Variants in EP400 observed in about 807,000 individuals in gnomAD.
The protein encoded by EP400 is E1A binding protein p400.
Under a neutral mutation model 354.1 loss-of-function variants are expected in EP400, and 105 were observed. That is an observed-to-expected ratio of 0.30 (90% CI 0.25 to 0.35). The LOEUF (loss-of-function observed/expected upper bound fraction) is 0.35, where lower values mean the gene tolerates loss of function less well. Ranked by LOEUF, EP400 falls within the 10% of genes least tolerant of loss-of-function variation. The pLI, the probability that EP400 is intolerant of heterozygous loss-of-function variation, is 1.00. For synonymous variants in EP400, 1,646 were observed against 1,716.9 expected (o/e 0.96, Z 1.02); for missense variants, 3,280 against 4,121.0 (o/e 0.80, Z 5.59).
At position 132,077,593 on chromosome 12, in the gene EP400, A is replaced by T. The variant is rs774498140; in HGVS notation, c.9292A>T (p.Ser3098Cys). 49 of 1,614,014 alleles carry T rather than the reference A, an allele frequency of 3.0e-5. No homozygotes were observed. The East Asian group carries it at 9.1e-4, about 30-fold the overall frequency. ...AGCCCAGGTGCCCGCCAGCTCCGAC[A>T]GCCCAAGCCAGCAGCCCAAGTTACA... ...NPAQVPASSD[S>C]PSQQPKLQMR... is the part of the protein sequence containing the mutation. Residue 3098 changes from serine (S) to cysteine (C), a missense_variant, in exon 53 of 53, where the codon AGC becomes TGC. Physicochemically the swap from Ser to Cys is moderately radical, Grantham distance 112 (BLOSUM62 -1). Coordinates refer to ENST00000389561, the MANE Select transcript of EP400 (RefSeq NM_015409.5).
At chr12:131,989,405 A>G (rs1289800126) in intron 7 of EP400, among the ~76,000 whole-genome samples, 1 of 152,138 alleles carries the variant, frequency 6.6e-6, no homozygotes, top group African/African-American at 2.4e-5. Flanking sequence ...AGTTGAGTGC[A>G]TTTCCATCCC....
intron 52 of EP400, among the ~76,000 whole-genome samples, chr12:132,077,007 C>T (rs1896257957): frequency 6.6e-6 from 1 of 152,258 alleles, no homozygotes; most frequent in African/African-American, 2.4e-5. Context: ...GTCACTGATG[C>T]TCCACAATAT....
intron 15 of EP400, among the ~76,000 whole-genome samples, chr12:132,010,697 G>A (rs534510069): frequency 9.2e-5 from 14 of 152,284 alleles, no homozygotes; most frequent in Non-Finnish European, 1.8e-4. Flanking sequence ...ATCCCAGCAC[G>A]TTGGGAGGCC....
chr12:132,002,676 G>C (rs1893456501), intron 12 of EP400, among the ~76,000 whole-genome samples: 1 of 152,250 alleles, frequency 6.6e-6, no homozygotes, highest in Admixed American at 6.5e-5. Context: ...CCATGAGGGA[G>C]CAGGATAGAC....
In EP400 at chr12:132,037,709, G is replaced by T. The variant is rs1894763908; in HGVS notation, c.5979G>T (p.Glu1993Asp). ...TTGTGAGTGGCAATTCCATTGAAGA[G>T]AAATTGTTGAAAAATGGAACTAAAG... ...YRLVSGNSIEEKLLKNGTKDL... is the reference protein window; with the variant it reads ...YRLVSGNSIEDKLLKNGTKDL... Residue 1993 changes from glutamate to aspartate, a missense_variant, in exon 31 of 53, where the codon GAG becomes GAT. This residue lies in a region of EP400 where 60 missense variants were observed against 109.9 expected (regional missense o/e 0.55). Transcript: ENST00000389561. The T allele has an allele frequency of 1.9e-6, 3 of 1,614,222 alleles. No individual in the cohort carries two copies. The highest frequency in any genetic ancestry group is 1.3e-5 in the African/African-American group (1 of 75,046).
chr12:131,986,414 A>G, intron 5 of EP400, 100 bp from the exon 6 acceptor site: 3 of 1,172,334 alleles, frequency 2.6e-6, no homozygotes, highest in South Asian at 2.9e-5. Flanking sequence ...AGGTGCTGGC[A>G]GTGCGCGTCT....
chr12:132,062,774 C>T lies in EP400; in HGVS notation c.8334+73C>T, dbSNP rs918092057. 4 of 1,575,090 alleles carry T rather than the reference C, an allele frequency of 2.5e-6. No homozygotes were observed. The Admixed American group carries it at 6.8e-5, about 27-fold the overall frequency. On this transcript the variant is annotated intron_variant, in intron 47 of 52. Coordinates refer to ENST00000389561, the MANE Select transcript of EP400 (RefSeq NM_015409.5). ...CAGCCCAGCGTCTGTGAGACGGTGC[C>T]TGCTTGCATGGTGCAGTCCAGAGTG...
At chr12:132,055,287 T>C in intron 45 of EP400, 79 bp downstream of exon 45, 2 of 1,201,618 alleles carry the variant, frequency 1.7e-6, no homozygotes, top group Non-Finnish European at 2.3e-6. Flanking sequence ...ATTCTTCTTC[T>C]TCTTTTTAAG....
intron 5 of EP400, 131 bp from the exon 6 acceptor site, chr12:131,986,383 C>A: frequency 1.2e-6 from 1 of 819,920 alleles, no homozygotes; most frequent in Non-Finnish European, 1.9e-6. Context: ...TGTGATTTGT[C>A]TGCTTGCATC....
intron 2 of EP400, among the ~76,000 whole-genome samples, chr12:131,966,673 G>A (rs1271893967): frequency 2.0e-5 from 3 of 151,414 alleles, no homozygotes; most frequent in Non-Finnish European, 4.4e-5. Flanking sequence ...GGAGGCTGAG[G>A]CAGGCAGATC....
chr12:132,014,085 G>A (rs1169839022), intron 19 of EP400, among the ~76,000 whole-genome samples, 172 bp downstream of exon 19: 2 of 152,246 alleles, frequency 1.3e-5, no homozygotes, highest in Non-Finnish European at 2.9e-5. Context: ...GGTGTTTCCA[G>A]CTGTTTCAGG....
rs141081862 is a variant in EP400 at position 131,990,726 on chromosome 12, T to TA, written c.2629+19dup. On this transcript the variant is annotated intron_variant, in intron 9 of 52. Coordinates refer to ENST00000389561, the MANE Select transcript of EP400 (RefSeq NM_015409.5). This position sits in a 1 kb window ranked among gnomAD's most constrained non-coding sequence, Gnocchi z 4.2. ...AGTTTCCAGGAGAGGTAGGACCCTT[T>TA]AAAAAAAGGCTCACCACGCTTGGGT... The TA allele has an allele frequency of 3.1e-6, 5 of 1,588,890 alleles. No individual in the cohort carries two copies. The highest frequency in any genetic ancestry group is 4.5e-5 in the East Asian group (2 of 44,748).
Position 132,023,712 on chromosome 12 carries a change from A to G in EP400, c.4691-65A>G, listed in dbSNP as rs562503163. 5.4e-5 allele frequency: 84 copies of G among 1,565,132 alleles called. 1 individual carries two copies. In the African/African-American group the frequency reaches 1.1e-3, roughly 21 times the overall value. On this transcript the variant is annotated intron_variant, in intron 23 of 52. Coordinates refer to ENST00000389561, the MANE Select transcript of EP400 (RefSeq NM_015409.5). ...TCATTATATACAAGAAACGACTGTC[A>G]ATATGACACTCCCAAATTTTTTCCA...
At chr12:132,008,580 A>G (rs1030518872) in intron 15 of EP400, among the ~76,000 whole-genome samples, 5 of 151,088 alleles carry the variant, frequency 3.3e-5, no homozygotes, top group African/African-American at 1.2e-4. Context: ...GAAGTAGCCT[A>G]TACATTTTTT....
chr12:131,953,220 A>G (rs1457867214), intron 1 of EP400, among the ~76,000 whole-genome samples: 1 of 152,218 alleles, frequency 6.6e-6, no homozygotes, highest in African/African-American at 2.4e-5. Context: ...ATTAGGAGAG[A>G]AACTTATACA....
intron 2 of EP400, among the ~76,000 whole-genome samples, chr12:131,969,317 C>G (rs969979822): frequency 2.0e-5 from 3 of 152,134 alleles, no homozygotes; most frequent in Non-Finnish European, 4.4e-5. Context: ...ACTTTAAAAA[C>G]AGAACACACA....
chr12:132,032,111 C>T lies in EP400; in HGVS notation c.5913C>T (p.Cys1971=), dbSNP rs200733426. Residue 1971 remains cysteine, a synonymous_variant, in exon 30 of 53, where the codon TGC becomes TGT. Coordinates refer to ENST00000389561, the MANE Select transcript of EP400 (RefSeq NM_015409.5). ...PVMDAKAQEW[C]DRIGRCKDIH... ...TGGATGCCAAAGCTCAGGAGTGGTGCGATAGGATCGGGAGATGCAAAGACA... is the reference window on the plus strand; with the variant it reads ...TGGATGCCAAAGCTCAGGAGTGGTGTGATAGGATCGGGAGATGCAAAGACA... 3.9e-4 allele frequency: 629 copies of T among 1,613,644 alleles called. 3 individuals carry two copies. Among genetic ancestry groups the T allele is most frequent in the Middle Eastern group, 9.9e-4 (6 of 6,058 alleles).
At chr12:132,042,160 A>G (rs1016450411) in intron 32 of EP400, among the ~76,000 whole-genome samples, 1 of 151,996 alleles carries the variant, frequency 6.6e-6, no homozygotes, top group South Asian at 2.1e-4. Context: ...CATGTTGGCC[A>G]GGCTGGTCTT....
rs1893830930 is a variant in EP400, at chr12:132,013,519, C to T, written c.3641C>T (p.Pro1214Leu). 8 of 1,593,124 alleles carry T rather than the reference C, an allele frequency of 5.0e-6. No homozygotes were observed. Among genetic ancestry groups the T allele is most frequent in the Non-Finnish European group, 6.8e-6 (8 of 1,169,298 alleles). ...CAACGTCTGCTTCTGATCGACTCGC[C>T]GCTGCACAATACCTTCCTGGAGCTC... ...SQQRLLLIDSPLHNTFLELWT... is the reference protein window; with the variant it reads ...SQQRLLLIDSLLHNTFLELWT... Residue 1214 changes from proline to leucine, a missense_variant, in exon 18 of 53, where the codon CCG becomes CTG. This residue lies in a region of EP400 where 242 missense variants were observed against 357.9 expected (regional missense o/e 0.68). Coordinates refer to ENST00000389561, the MANE Select transcript of EP400 (RefSeq NM_015409.5). The surrounding 1 kb of genome is among the most constrained non-coding windows in gnomAD (Gnocchi z 4.5).
Sources: allele counts gnomAD v4.1 joint callset (sites outside exome capture counted in the v4.1 genomes callset), GRCh38; gene constraint gnomAD v4.1.1; regional missense constraint gnomAD v4.1.1; non-coding constraint Gnocchi (gnomAD v3.1); transcripts MANE v1.5; gene names NCBI Gene and HGNC (gene_info 2026-07-23, HGNC 2026-07-21).